Variants in CYB5A observed in about 807,000 individuals in gnomAD.
The protein encoded by CYB5A is cytochrome b5 type A.
CYB5A carries 10 observed loss-of-function variants against 16.2 expected under a neutral mutation model. That is an observed-to-expected ratio of 0.62 (90% CI 0.38 to 1.04). The LOEUF is 1.04. Ranked by LOEUF, CYB5A falls within the 50% of genes least tolerant of loss-of-function variation. The probability of loss-of-function intolerance (pLI) is 0.01; values close to 1 mark genes in which losing one functional copy is unlikely to be tolerated. For synonymous variants in CYB5A, 62 were observed against 57.0 expected, an observed-to-expected ratio of 1.09 and a Z score of -0.40; for missense variants, 161 against 165.9, an observed-to-expected ratio of 0.97 and a Z score of 0.16.
At chr18:74,258,173 C>A (rs570275429) in intron 3 of CYB5A, 2 of 152,152 alleles carry the variant, frequency 1.3e-5, no homozygotes, top group Non-Finnish European at 2.9e-5. Context: ...TGCAACTGAC[C>A]AGCCTGAGAT....
chr18:74,262,196 G>A (rs1265926361), intron 2 of CYB5A, among the ~76,000 whole-genome samples: 2 of 152,220 alleles, frequency 1.3e-5, no homozygotes, highest in East Asian at 1.9e-4. Flanking sequence ...ACTCACACCT[G>A]TAATCCTAGC....
chr18:74,283,577 T>C (rs1983200250), intron 1 of CYB5A, among the ~76,000 whole-genome samples: 1 of 152,240 alleles, frequency 6.6e-6, no homozygotes, highest in African/African-American at 2.4e-5. Context: ...TTCCAAGGGT[T>C]TTGGCTTTGT....
intron 2 of CYB5A, 39 bp from the exon 3 acceptor site, chr18:74,260,983 A>G: frequency 1.3e-6 from 2 of 1,564,580 alleles, no homozygotes; most frequent in Non-Finnish European, 1.8e-6. Context: ...GAATTTAAAA[A>G]TCTATGAAAG....
intron 1 of CYB5A, among the ~76,000 whole-genome samples, chr18:74,287,923 A>G (rs1167723477): frequency 2.6e-5 from 4 of 152,230 alleles, no homozygotes; most frequent in Non-Finnish European, 5.9e-5. Context: ...TTTCATTTCA[A>G]ATAACTGTCC....
rs775143438 is a variant in CYB5A, at chr18:74,263,443, G to A, written c.164C>T (p.Ala55Val). ...PGGEEVLREQAGGDATENFED... is the reference protein window; with the variant it reads ...PGGEEVLREQVGGDATENFED... ...AAAGTTCTCAGTAGCGTCACCTCCA[G>A]CTTGTTCCCTTAAAACTTCTTCCCC... The change falls in exon 2 of 5, where the codon GCT (alanine) becomes GTT (valine). Residue 55 changes from alanine (A) to valine (V), a missense_variant. Coordinates refer to ENST00000340533, the MANE Select transcript of CYB5A (RefSeq NM_148923.4). The A allele has an allele frequency of 1.2e-6, 2 of 1,614,108 alleles. No homozygotes were observed. Among genetic ancestry groups the A allele is most frequent in the East Asian group, 4.5e-5 (2 of 44,872 alleles).
intron 1 of CYB5A, among the ~76,000 whole-genome samples, chr18:74,269,463 C>G (rs1982584554): frequency 6.6e-6 from 1 of 152,198 alleles, no homozygotes; most frequent in African/African-American, 2.4e-5. Context: ...AGAGAATCAT[C>G]TGTCAGCCAA....
At chr18:74,281,743 C>CTGTGTGTGTG (rs112934460) in intron 1 of CYB5A, among the ~76,000 whole-genome samples, 16,052 of 138,674 alleles carry the variant, frequency 0.12, 1,029 homozygotes, top group Admixed American at 0.18. Context: ...TCAAGGGAGG[C>CTGTGTGTGTG]TGTGTGTGTG....
intron 1 of CYB5A, among the ~76,000 whole-genome samples, chr18:74,277,749 T>C (rs760947654): frequency 6.6e-6 from 1 of 152,096 alleles, no homozygotes; most frequent in Non-Finnish European, 1.5e-5. Context: ...GCTCGCCAGG[T>C]GAGCAAGGGG....
At chr18:74,275,622 A>G (rs191612344) in intron 1 of CYB5A, among the ~76,000 whole-genome samples, 1 of 152,338 alleles carries the variant, frequency 6.6e-6, no homozygotes, top group African/African-American at 2.4e-5. Context: ...CTGTGTAAAC[A>G]TGCAGAAGCA....
At chr18:74,280,509 T>C (rs991551763) in intron 1 of CYB5A, among the ~76,000 whole-genome samples, 3 of 147,856 alleles carry the variant, frequency 2.0e-5, no homozygotes, top group African/African-American at 7.5e-5. Flanking sequence ...GTCCAGGTGG[T>C]GGAGGCTGCA....
intron 1 of CYB5A, among the ~76,000 whole-genome samples, chr18:74,284,322 AT>A (rs1254865485): frequency 6.6e-6 from 1 of 152,078 alleles, no homozygotes; most frequent in Non-Finnish European, 1.5e-5. Flanking sequence ...TCCCTAGCAC[AT>A]ACTGAATGTC....
intron 1 of CYB5A, among the ~76,000 whole-genome samples, chr18:74,268,668 G>T: frequency 6.6e-6 from 1 of 152,280 alleles, no homozygotes; most frequent in East Asian, 1.9e-4. Context: ...GGTGTGCATG[G>T]TGTGAGGCAG....
At chr18:74,264,442 A>C (rs1415995608) in intron 1 of CYB5A, among the ~76,000 whole-genome samples, 1 of 151,742 alleles carries the variant, frequency 6.6e-6, no homozygotes. Context: ...TCTTAGTCTA[A>C]GTGTGGCCTC....
intron 1 of CYB5A, among the ~76,000 whole-genome samples, chr18:74,276,535 C>CACACAA (rs1304223231): frequency 1.4e-5 from 2 of 141,410 alleles, no homozygotes; most frequent in Non-Finnish European, 3.1e-5. Flanking sequence ...TCAGCACACA[C>CACACAA]ACACACACAC....
chr18:74,284,419 C>A (rs1435495647), intron 1 of CYB5A, among the ~76,000 whole-genome samples: 2 of 152,072 alleles, frequency 1.3e-5, no homozygotes, highest in Non-Finnish European at 2.9e-5. Flanking sequence ...TAAAGAATAG[C>A]ATTTACTTGG....
At chr18:74,272,159 T>C (rs562014118) in intron 1 of CYB5A, among the ~76,000 whole-genome samples, 7 of 152,362 alleles carry the variant, frequency 4.6e-5, no homozygotes, top group Non-Finnish European at 8.8e-5. Context: ...TCACAGCCTA[T>C]GCCCCTTTCT....
At chr18:74,263,606 G>T in intron 1 of CYB5A, 129 bp from the exon 2 acceptor site, 1 of 798,528 alleles carries the variant, frequency 1.3e-6, no homozygotes, top group Non-Finnish European at 2.2e-6. Flanking sequence ...AGACTAACTT[G>T]TCCATAAATG....
At chr18:74,277,160 T>A (rs1333120752) in intron 1 of CYB5A, among the ~76,000 whole-genome samples, 2 of 152,224 alleles carry the variant, frequency 1.3e-5, no homozygotes, top group African/African-American at 2.4e-5. Flanking sequence ...GAACAATTGA[T>A]GCAAGATTTA....
chr18:74,272,125 A>G (rs1053442731), intron 1 of CYB5A, among the ~76,000 whole-genome samples: 2 of 152,200 alleles, frequency 1.3e-5, no homozygotes, highest in Admixed American at 6.5e-5. Context: ...TAACTGTTGG[A>G]CATGCTCACA....
Sources: gnomAD v4.1 joint callset for allele counts (sites outside exome capture counted in the v4.1 genomes callset) on GRCh38, gnomAD v4.1.1 for gene constraint, MANE v1.5 for transcripts, NCBI Gene and HGNC (gene_info 2026-07-23, HGNC 2026-07-21) for gene names.